CUX1: variants seen among roughly 807,000 people sequenced by gnomAD.
CUX1 encodes protein CASP.
A neutral mutation model predicts 158.8 loss-of-function variants in CUX1; 31 were observed. That is an observed-to-expected ratio of 0.20 (90% CI 0.15 to 0.26). The LOEUF (loss-of-function observed/expected upper bound fraction) is 0.26. Ranked by LOEUF, CUX1 falls within the 10% of genes least tolerant of loss-of-function variation. CUX1 has a pLI of 1.00. For synonymous variants in CUX1, 879 were observed against 862.1 expected (o/e 1.02, Z -0.34); for missense variants, 1,589 against 2,014.6 (o/e 0.79, Z 4.04).
chr7:102,089,638 G>A (rs1259231945), intron 4 of CUX1, among the ~76,000 whole-genome samples: 1 of 152,232 alleles, frequency 6.6e-6, no homozygotes, highest in Non-Finnish European at 1.5e-5. Context: ...AACTGTGGGA[G>A]GTTTTCAGCT....
intron 2 of CUX1, among the ~76,000 whole-genome samples, chr7:101,943,498 C>T (rs1034290586): frequency 2.6e-5 from 4 of 151,916 alleles, no homozygotes; most frequent in African/African-American, 9.7e-5. Flanking sequence ...CGGCGGCTGA[C>T]GTCAGTGCTA....
At position 102,201,203 on chromosome 7, in the gene CUX1, C is replaced by T. The variant is rs540245908; in HGVS notation, c.2063-157C>T. Among the ~76,000 whole-genome samples, 3 of 152,028 alleles carry T rather than the reference C, an allele frequency of 2.0e-5. No homozygotes were observed. In the South Asian group the frequency reaches 6.3e-4, roughly 32 times the overall value. On this transcript the variant is annotated intron_variant, in intron 17 of 23. Coordinates refer to ENST00000292535, the MANE Select transcript of CUX1 (RefSeq NM_181552.4). This position sits in a 1 kb window ranked among gnomAD's most constrained non-coding sequence, Gnocchi z 5.0. ...CCTGGTCCTTGGTTGAGACAAGATG[C>T]CTGAATGTTTCACTGACAGGGGCCA...
intron 1 of CUX1, among the ~76,000 whole-genome samples, chr7:101,848,587 GC>G (rs1314509084): frequency 6.6e-6 from 1 of 152,078 alleles, no homozygotes; most frequent in Non-Finnish European, 1.5e-5. Flanking sequence ...AGCCTGGTAG[GC>G]CTCCATGGGG....
At chr7:101,828,934 G>A (rs562290436) in intron 1 of CUX1, among the ~76,000 whole-genome samples, 1 of 150,392 alleles carries the variant, frequency 6.6e-6, no homozygotes, top group African/African-American at 2.4e-5. Flanking sequence ...GGGAAGGGGT[G>A]TGCCCCCTTT....
At chr7:102,158,485 G>A (rs1790037883) in intron 8 of CUX1, 75 bp from the exon 9 acceptor site, 1 of 1,492,306 alleles carries the variant, frequency 6.7e-7, no homozygotes. Context: ...CCCTGAGCTA[G>A]GAAGCTGTCC....
chr7:101,938,496 G>A (rs1388355904), intron 2 of CUX1, among the ~76,000 whole-genome samples: 4 of 152,134 alleles, frequency 2.6e-5, no homozygotes, highest in African/African-American at 4.8e-5. Flanking sequence ...TTCTTCACTG[G>A]GGGAAGAGAT....
chr7:102,265,356 C>A (rs1406036445), intron 14 of CUX1, among the ~76,000 whole-genome samples: 16 of 141,260 alleles, frequency 1.1e-4, no homozygotes, highest in Admixed American at 1.4e-4. Flanking sequence ...AAATCTGTCT[C>A]AAAAAAAAAA....
intron 11 of CUX1, among the ~76,000 whole-genome samples, 169 bp from the exon 12 acceptor site, chr7:102,189,644 A>G (rs1043858033): frequency 6.6e-6 from 1 of 152,216 alleles, no homozygotes; most frequent in Non-Finnish European, 1.5e-5. Context: ...CACACTGGGC[A>G]GGCCAGGAGC....
intron 8 of CUX1, chr7:102,125,712 A>G (rs1832557327): frequency 6.6e-6 from 1 of 151,568 alleles, no homozygotes; most frequent in South Asian, 2.1e-4. Context: ...AAAAAAAAAA[A>G]GGCACTGTAC....
intron 1 of CUX1, chr7:101,824,408 TTTG>T (rs1392259806): frequency 1.3e-5 from 2 of 152,228 alleles, no homozygotes; most frequent in African/African-American, 4.8e-5. Context: ...TTTAGACACC[TTTG>T]TTGAGTTGTT....
chr7:102,191,303 G>A (rs1794247606), intron 12 of CUX1, among the ~76,000 whole-genome samples: 2 of 152,116 alleles, frequency 1.3e-5, no homozygotes, highest in South Asian at 4.1e-4. Context: ...GTGCTATCTC[G>A]GCTCACCGCA....
chr7:102,199,635 C>T (rs1795185304), intron 16 of CUX1, among the ~76,000 whole-genome samples: 1 of 152,210 alleles, frequency 6.6e-6, no homozygotes. Flanking sequence ...AGACAATCAG[C>T]CTCAAACCCT....
intron 8 of CUX1, among the ~76,000 whole-genome samples, chr7:102,151,299 T>C (rs1835626641): frequency 6.6e-6 from 1 of 152,106 alleles, no homozygotes; most frequent in South Asian, 2.1e-4. Context: ...ACGCCTGTCA[T>C]CCCAGCACTT....
chr7:102,004,860 A>G (rs541914991), intron 2 of CUX1, among the ~76,000 whole-genome samples: 4 of 152,332 alleles, frequency 2.6e-5, no homozygotes, highest in South Asian at 4.1e-4. Flanking sequence ...GCCTGGTGCT[A>G]CATATGTTAG....
chr7:101,844,388 T>G (rs1274836850), intron 1 of CUX1, among the ~76,000 whole-genome samples: 1 of 152,216 alleles, frequency 6.6e-6, no homozygotes, highest in Non-Finnish European at 1.5e-5. Context: ...GAGTCTATAC[T>G]TATTCCACCC....
intron 3 of CUX1, among the ~76,000 whole-genome samples, chr7:102,066,594 C>G (rs1825574627): frequency 6.6e-6 from 1 of 152,150 alleles, no homozygotes; most frequent in South Asian, 2.1e-4. Flanking sequence ...CGGAATACCT[C>G]GGAAGTGAGG....
chr7:101,930,876 C>T (rs1806207134), intron 2 of CUX1, among the ~76,000 whole-genome samples: 2 of 152,156 alleles, frequency 1.3e-5, no homozygotes, highest in African/African-American at 4.8e-5. Flanking sequence ...GCGGACGGGT[C>T]ACTTGAGGCT....
chr7:101,878,563 A>G (rs1799395940), intron 1 of CUX1, among the ~76,000 whole-genome samples: 1 of 152,184 alleles, frequency 6.6e-6, no homozygotes, highest in African/African-American at 2.4e-5. Context: ...AGTTTTGTTC[A>G]AAGCAGTGCA....
intron 8 of CUX1, among the ~76,000 whole-genome samples, chr7:102,132,328 C>CACGCACA (rs1379227055): frequency 7.3e-4 from 1 of 1,362 alleles, no homozygotes. Flanking sequence ...CGCGCGCACG[C>CACGCACA]CACGCACACA....
Sources: allele counts gnomAD v4.1 joint callset (sites outside exome capture counted in the v4.1 genomes callset), GRCh38; gene constraint gnomAD v4.1.1; non-coding constraint Gnocchi (gnomAD v3.1); transcripts MANE v1.5; gene names NCBI Gene and HGNC (gene_info 2026-07-23, HGNC 2026-07-21).